The following MCPH1 variants were observed in gnomAD, a reference collection of about 807,000 sequenced individuals.
The protein encoded by MCPH1 is microcephalin 1.
In MCPH1, 104 loss-of-function variants were observed where a neutral mutation model predicts 84.5. The ratio of observed to expected loss-of-function variants is 1.23; its 90% CI spans 1.05 to 1.45. The LOEUF (loss-of-function observed/expected upper bound fraction) is 1.45, where lower values mean the gene tolerates loss of function less well. MCPH1 is among the 40% of genes most tolerant of loss of function. MCPH1 has a pLI of 0.00. For synonymous variants in MCPH1, 514 were observed against 366.8 expected (o/e 1.40, Z -4.58); for missense variants, 1,498 against 1,005.7 (o/e 1.49, Z -6.62).
At chr8:6,462,361 A>G (rs574211819) in intron 9 of MCPH1, among the ~76,000 whole-genome samples, 1 of 152,368 alleles carries the variant, frequency 6.6e-6, no homozygotes, top group South Asian at 2.1e-4. Context: ...AGCATCACAA[A>G]CAAAATAAGT....
chr8:6,582,182 C>G (rs540170866), intron 12 of MCPH1, among the ~76,000 whole-genome samples: 1 of 152,332 alleles, frequency 6.6e-6, no homozygotes, highest in East Asian at 1.9e-4. Flanking sequence ...CGTCAGCACA[C>G]TAGAGATGGA....
At chr8:6,465,387 G>C (rs773291615) in intron 9 of MCPH1, among the ~76,000 whole-genome samples, 1 of 152,180 alleles carries the variant, frequency 6.6e-6, no homozygotes, top group Non-Finnish European at 1.5e-5. Context: ...CCACTGCGCT[G>C]CTCCCACCAC....
intron 12 of MCPH1, among the ~76,000 whole-genome samples, chr8:6,526,163 T>C (rs1214277395): frequency 2.7e-5 from 4 of 149,138 alleles, no homozygotes; most frequent in Admixed American, 6.9e-5. Context: ...CTCATGCCTG[T>C]AATCCCAGCA....
intron 11 of MCPH1, among the ~76,000 whole-genome samples, chr8:6,482,997 C>A (rs1809426817): frequency 6.6e-6 from 1 of 152,032 alleles, no homozygotes; most frequent in South Asian, 2.1e-4. Flanking sequence ...ATTTATAAAC[C>A]ACACAATTTT....
rs182610719 is a variant in MCPH1 at position 6,614,464 on chromosome 8, C to A, written c.2215-6990C>A. Among the ~76,000 whole-genome samples, 31 of 152,334 alleles carry A rather than the reference C, an allele frequency of 2.0e-4. No homozygotes were observed. The East Asian group carries it at 5.6e-3, about 28-fold the overall frequency. The stretch of plus-strand genomic sequence containing the variant: ...CTACGTACTGCCTCCTGGAAAAAGC[C>A]TGATTTCTCGCCCCCTCTTGTCCCT... On this transcript the variant is annotated intron_variant, in intron 12 of 13. Transcript: ENST00000344683.
intron 12 of MCPH1, among the ~76,000 whole-genome samples, chr8:6,516,586 G>T (rs1428655117): frequency 6.6e-6 from 1 of 152,180 alleles, no homozygotes; most frequent in Non-Finnish European, 1.5e-5. Flanking sequence ...CAACAAAATG[G>T]TCAGTGCTGC....
chr8:6,485,629 A>G (rs1038319674), intron 11 of MCPH1, among the ~76,000 whole-genome samples: 1 of 152,126 alleles, frequency 6.6e-6, no homozygotes, highest in African/African-American at 2.4e-5. Flanking sequence ...AAACGTCACA[A>G]ATGTATGTCT....
At chr8:6,505,637 ATATT>A (rs1159793311) in intron 12 of MCPH1, among the ~76,000 whole-genome samples, 2 of 129,992 alleles carry the variant, frequency 1.5e-5, no homozygotes, top group Admixed American at 8.2e-5. Flanking sequence ...ATGAATGTAT[ATATT>A]CTTTATATCT....
intron 9 of MCPH1, among the ~76,000 whole-genome samples, chr8:6,470,314 C>T (rs956684385): frequency 6.6e-6 from 1 of 152,036 alleles, no homozygotes; most frequent in Non-Finnish European, 1.5e-5. Context: ...GACAAAGTCT[C>T]GCTCTGTCAC....
At chr8:6,507,772 G>T (rs1304916198) in intron 12 of MCPH1, 1 of 151,798 alleles carries the variant, frequency 6.6e-6, no homozygotes, top group Non-Finnish European at 1.5e-5. Flanking sequence ...TAGTAGAGAT[G>T]GGGTTTCAAC....
At chr8:6,546,203 AC>A (rs1297052351) in intron 12 of MCPH1, among the ~76,000 whole-genome samples, 1 of 152,224 alleles carries the variant, frequency 6.6e-6, no homozygotes, top group Non-Finnish European at 1.5e-5. Flanking sequence ...GTGCCAAGGC[AC>A]CCTGGGTCCT....
chr8:6,552,150 C>T (rs538079921), intron 12 of MCPH1, among the ~76,000 whole-genome samples: 1 of 152,302 alleles, frequency 6.6e-6, no homozygotes, highest in African/African-American at 2.4e-5. Flanking sequence ...CTGCTTAACC[C>T]CAAAATGCCT....
intron 12 of MCPH1, chr8:6,617,311 G>C (rs1322366249): frequency 7.2e-6 from 1 of 138,952 alleles, no homozygotes; most frequent in Admixed American, 7.6e-5. Flanking sequence ...GTGGAATCTC[G>C]TTCTGTCGCC....
intron 12 of MCPH1, among the ~76,000 whole-genome samples, chr8:6,557,367 G>C (rs577738856): frequency 1.2e-4 from 18 of 152,268 alleles, no homozygotes; most frequent in African/African-American, 4.3e-4. Flanking sequence ...GCAAAATGAG[G>C]TGAGGTGTGG....
At position 6,414,752 on chromosome 8, in the gene MCPH1, A is replaced by C. The variant is rs1432127161; in HGVS notation, c.115-13A>C. 6.2e-7 allele frequency: 1 copy of C among 1,613,038 alleles called. No individual in the cohort carries two copies. Among genetic ancestry groups the C allele is most frequent in the East Asian group, 2.2e-5 (1 of 44,842 alleles). ...CAGTAATGTACATTTTGTTTTCTGC[A>C]TTTTGTCTACAGGTTTCAAAAACTT... On this transcript the variant is annotated splice_polypyrimidine_tract_variant and intron_variant, in intron 2 of 13. Transcript: ENST00000344683.
At chr8:6,593,645 C>A (rs1432974902) in intron 12 of MCPH1, among the ~76,000 whole-genome samples, 1 of 152,242 alleles carries the variant, frequency 6.6e-6, no homozygotes, top group African/African-American at 2.4e-5. Context: ...TGAACCCCTA[C>A]AGCTGACCCA....
chr8:6,532,461 C>A, intron 12 of MCPH1: 1 of 1,613,476 alleles, frequency 6.2e-7, no homozygotes, highest in Non-Finnish European at 8.5e-7. Flanking sequence ...TTTCTTTCTT[C>A]ATGTTGTCCT....
chr8:6,592,623 G>GTTTT (rs573651366), intron 12 of MCPH1, among the ~76,000 whole-genome samples: 28 of 77,578 alleles, frequency 3.6e-4, no homozygotes, highest in Middle Eastern at 7.1e-3. Flanking sequence ...TCTTTTTTTT[G>GTTTT]TTTTTTTTTT....
intron 12 of MCPH1, among the ~76,000 whole-genome samples, chr8:6,564,370 G>A (rs932502262): frequency 6.6e-6 from 1 of 152,140 alleles, no homozygotes; most frequent in East Asian, 1.9e-4. Flanking sequence ...TTAGACTCGG[G>A]CAAGTCACTT....
Sources: allele counts gnomAD v4.1 joint callset (sites outside exome capture counted in the v4.1 genomes callset), GRCh38; gene constraint gnomAD v4.1.1; transcripts MANE v1.5; gene names NCBI Gene and HGNC (gene_info 2026-07-23, HGNC 2026-07-21).